The following KLF12 variants were observed in gnomAD, a reference collection of about 807,000 sequenced individuals.
The protein encoded by KLF12 is KLF transcription factor 12.
KLF12 carries 9 observed loss-of-function variants against 37.8 expected under a neutral mutation model. The observed-to-expected ratio is 0.24, with a 90% CI of 0.14 to 0.42. The LOEUF (loss-of-function observed/expected upper bound fraction) is 0.42, where lower values mean the gene tolerates loss of function less well. Ranked by LOEUF, KLF12 falls within the 10% of genes least tolerant of loss-of-function variation. The pLI, the probability that KLF12 is intolerant of heterozygous loss-of-function variation, is 1.00. For synonymous variants in KLF12, 208 were observed against 202.1 expected, an observed-to-expected ratio of 1.03 and a Z score of -0.25; for missense variants, 411 against 516.0, an observed-to-expected ratio of 0.80 and a Z score of 1.97.
chr13:73,711,700 T>C (rs1001695094), intron 7 of KLF12, among the ~76,000 whole-genome samples: 1 of 152,186 alleles, frequency 6.6e-6, no homozygotes, highest in Non-Finnish European at 1.5e-5. Context: ...TACAAGGAGA[T>C]GGATGTTTTT....
the KLF12 span, among the ~76,000 whole-genome samples, chr13:74,244,354 A>G: frequency 6.6e-6 from 1 of 152,180 alleles, no homozygotes; most frequent in East Asian, 1.9e-4. Context: ...AGTAAGTCTT[A>G]TTGTGGCATG....
At chr13:73,778,395 C>T (rs541680424) in intron 5 of KLF12, among the ~76,000 whole-genome samples, 36 of 152,168 alleles carry the variant, frequency 2.4e-4, no homozygotes, top group African/African-American at 7.9e-4. Flanking sequence ...TATGACTCCC[C>T]GGTCATAGAG....
the KLF12 span, among the ~76,000 whole-genome samples, chr13:74,214,325 C>T: frequency 6.6e-6 from 1 of 151,590 alleles, no homozygotes; most frequent in Admixed American, 6.6e-5. Flanking sequence ...TAGTTTCACT[C>T]TAGAGCTGTT....
At chr13:73,915,456 C>T (rs1366898040) in intron 3 of KLF12, among the ~76,000 whole-genome samples, 1 of 151,998 alleles carries the variant, frequency 6.6e-6, no homozygotes, top group Non-Finnish European at 1.5e-5. Flanking sequence ...ACACACAAGA[C>T]GTTACACCCT....
chr13:74,190,862 C>G, the KLF12 span, among the ~76,000 whole-genome samples: 6 of 152,172 alleles, frequency 3.9e-5, no homozygotes, highest in Non-Finnish European at 8.8e-5. Flanking sequence ...TCAACTCTTT[C>G]TTCTCCTTCA....
At chr13:73,825,223 G>T (rs1883770416) in intron 4 of KLF12, among the ~76,000 whole-genome samples, 1 of 152,098 alleles carries the variant, frequency 6.6e-6, no homozygotes, top group Non-Finnish European at 1.5e-5. Flanking sequence ...GAACTAGAAT[G>T]GTATGACTTC....
intron 3 of KLF12, among the ~76,000 whole-genome samples, chr13:73,905,992 T>G (rs1209767263): frequency 6.6e-6 from 1 of 152,164 alleles, no homozygotes; most frequent in Non-Finnish European, 1.5e-5. Flanking sequence ...ATCAGATCAT[T>G]CATTTGATTA....
the KLF12 span, among the ~76,000 whole-genome samples, chr13:74,185,817 T>C: frequency 6.6e-6 from 1 of 152,134 alleles, no homozygotes; most frequent in Admixed American, 6.5e-5. Flanking sequence ...TGTGCTTTTG[T>C]ATTTTTAATA....
At chr13:74,095,889 G>A (rs2138844066) in intron 1 of KLF12, among the ~76,000 whole-genome samples, 1 of 152,160 alleles carries the variant, frequency 6.6e-6, no homozygotes, top group Admixed American at 6.5e-5. Flanking sequence ...TCTTCACTGA[G>A]GTATTTCAAT....
rs1255504265 is a variant in KLF12 at position 73,742,309 on chromosome 13, G to C, written c.869+22629C>G. Among the ~76,000 whole-genome samples, 3 of 152,260 alleles carry C rather than the reference G, an allele frequency of 2.0e-5. No homozygotes were observed. In the East Asian group the frequency reaches 5.8e-4, roughly 29 times the overall value. ...ATTGTAAGAACTGAACCAAGTCTCT[G>C]AAATTACTTCCTAGTTTTACTTCAG... is the stretch of plus-strand genomic sequence containing the variant. On this transcript the variant is annotated intron_variant, in intron 6 of 7. Coordinates refer to ENST00000377669, the MANE Select transcript of KLF12 (RefSeq NM_007249.5).
chr13:74,108,689 T>C (rs1876800309), intron 1 of KLF12, among the ~76,000 whole-genome samples: 1 of 152,176 alleles, frequency 6.6e-6, no homozygotes, highest in Non-Finnish European at 1.5e-5. Context: ...ACTATATTCT[T>C]ATAATAAAGT....
chr13:74,114,592 G>A (rs1877175582), intron 1 of KLF12, among the ~76,000 whole-genome samples: 1 of 152,110 alleles, frequency 6.6e-6, no homozygotes, highest in African/African-American at 2.4e-5. Context: ...AATGGATGAA[G>A]TATGAATGAA....
At chr13:73,876,534 T>G (rs1315750762) in intron 3 of KLF12, among the ~76,000 whole-genome samples, 1 of 152,182 alleles carries the variant, frequency 6.6e-6, no homozygotes, top group African/African-American at 2.4e-5. Context: ...AAACATGTAC[T>G]CTAGGCTGAA....
chr13:73,883,850 A>G (rs763513604), intron 3 of KLF12, among the ~76,000 whole-genome samples: 4 of 152,192 alleles, frequency 2.6e-5, no homozygotes, highest in Non-Finnish European at 5.9e-5. Context: ...GTGATATGAC[A>G]TTGTGTGAGA....
chr13:74,256,207 C>T, the KLF12 span, among the ~76,000 whole-genome samples: 1 of 151,022 alleles, frequency 6.6e-6, no homozygotes. Context: ...CTAAGACATA[C>T]TTGGCTCACA....
chr13:74,100,606 G>A (rs1043483157), intron 1 of KLF12, among the ~76,000 whole-genome samples: 6 of 142,530 alleles, frequency 4.2e-5, no homozygotes, highest in African/African-American at 1.5e-4. Flanking sequence ...GACAGAGCAA[G>A]AGTCCATCTC....
At chr13:73,837,203 T>C (rs1465908033) in intron 4 of KLF12, among the ~76,000 whole-genome samples, 3 of 152,322 alleles carry the variant, frequency 2.0e-5, no homozygotes, top group Non-Finnish European at 1.5e-5. Context: ...TAAACTCATT[T>C]CTGGGCATTT....
At position 74,020,760 on chromosome 13, in the gene KLF12, G is replaced by A. The variant is rs148020871; in HGVS notation, c.-31-25707C>T. Among the ~76,000 whole-genome samples, 537 of 152,126 alleles carry A rather than the reference G, an allele frequency of 3.5e-3. 4 individuals are homozygous for A. Among genetic ancestry groups the A allele is most frequent in the African/African-American group, 0.012 (500 of 41,478 alleles). Reference sequence around the variant, plus strand: ...AAAAAAATTAGCCAGGCATGATGGCGTGTGCCTGTAGTCCCAGCTACTCGG... The same window carrying A: ...AAAAAAATTAGCCAGGCATGATGGCATGTGCCTGTAGTCCCAGCTACTCGG... On this transcript the variant is annotated intron_variant, in intron 1 of 7. Transcript: ENST00000377669.
chr13:73,972,245 A>C (rs1891368620), intron 2 of KLF12, among the ~76,000 whole-genome samples: 1 of 152,182 alleles, frequency 6.6e-6, no homozygotes, highest in Non-Finnish European at 1.5e-5. Flanking sequence ...AGAATAAAGA[A>C]ACACTGACAA....
Sources: allele counts gnomAD v4.1 joint callset (sites outside exome capture counted in the v4.1 genomes callset), GRCh38; gene constraint gnomAD v4.1.1; transcripts MANE v1.5; gene names NCBI Gene and HGNC (gene_info 2026-07-23, HGNC 2026-07-21).